The following PI16 variants were observed in gnomAD, a reference collection of about 807,000 sequenced individuals.
The protein encoded by PI16 is PSP94-binding protein.
A neutral mutation model predicts 38.0 loss-of-function variants in PI16; 35 were observed. The observed-to-expected ratio is 0.92, with a 90% CI of 0.70 to 1.22. The LOEUF (loss-of-function observed/expected upper bound fraction) is 1.22, where lower values mean the gene tolerates loss of function less well. PI16 is among the 50% of genes most tolerant of loss of function. The pLI, the probability that PI16 is intolerant of heterozygous loss-of-function variation, is 0.00. For missense variants in PI16, 572 were observed against 593.8 expected (o/e 0.96, Z 0.38); for synonymous variants, 275 against 252.9 (o/e 1.09, Z -0.83).
Position 36,961,914 on chromosome 6 carries a change from C to T in PI16, c.532C>T (p.Gln178Ter). 1 of 1,614,116 alleles carries T rather than the reference C, an allele frequency of 6.2e-7. No individual in the cohort carries two copies. Among genetic ancestry groups the T allele is most frequent in the South Asian group, 1.1e-5 (1 of 91,082 alleles). The change falls in exon 4 of 7, where the codon CAG becomes TAG. Residue 178 changes from glutamine (Q) to a stop codon, truncating the protein, a stop_gained. Transcript: ENST00000373674. LOFTEE classifies it high-confidence loss of function. ...GAACGTGAAGGGGAAACGGCCCTAC[C>T]AGGAGGGGACTCCGTGCTCCCAATG... The part of the protein sequence containing the change: ...PGNVKGKRPY[Q>*]EGTPCSQCPS...
chr6:36,953,102 G>T (rs1181837834), upstream of PI16, among the ~76,000 whole-genome samples: 1 of 152,052 alleles, frequency 6.6e-6, no homozygotes, highest in Admixed American at 6.5e-5. Flanking sequence ...GGCGGATCAC[G>T]AGGTCAAGAG....
At chr6:36,948,347 C>G (rs1036850646) in exon 1 of PI16, 1 of 152,252 alleles carries the variant, frequency 6.6e-6, no homozygotes, top group African/African-American at 2.4e-5. Flanking sequence ...TGGTTCCACC[C>G]GGGGGGCATC....
intron 2 of PI16, among the ~76,000 whole-genome samples, chr6:36,960,114 T>C (rs544037789): frequency 6.6e-6 from 1 of 152,344 alleles, no homozygotes; most frequent in East Asian, 1.9e-4. Context: ...TCTAATTTGC[T>C]ACTTCTCATC....
chr6:36,961,709 G>T, intron 3 of PI16, 149 bp downstream of exon 3: 1 of 893,808 alleles, frequency 1.1e-6, no homozygotes, highest in South Asian at 1.5e-5. Flanking sequence ...GGCACCAATG[G>T]GGGTCTGCTG....
chr6:36,954,045 G>A (rs991130788), upstream of PI16, among the ~76,000 whole-genome samples: 4 of 152,268 alleles, frequency 2.6e-5, no homozygotes, highest in East Asian at 1.9e-4. Context: ...CTCTCCCCCC[G>A]CAGGCAAGAA....
Position 36,954,857 on chromosome 6 carries a change from A to G in PI16, c.97A>G (p.Lys33Glu). The G allele has an allele frequency of 6.2e-7, 1 of 1,613,990 alleles. No homozygotes were observed. Residue 33 changes from lysine to glutamate, a missense_variant, in exon 1 of 7, where the codon AAA becomes GAA. By Grantham distance (56) the Lys-to-Glu change is moderately conservative. Coordinates refer to ENST00000373674, the MANE Select transcript of PI16 (RefSeq NM_153370.3). ...GPVGALTDEE[K>E]RLMVELHNLY... ...CGTTGGAGCCCTCACAGATGAGGAGAAACGTTTGATGGTGGAGCTGCACAA... is the reference window on the plus strand; with the variant it reads ...CGTTGGAGCCCTCACAGATGAGGAGGAACGTTTGATGGTGGAGCTGCACAA...
intron 1 of PI16, among the ~76,000 whole-genome samples, chr6:36,955,167 C>T (rs931345634): frequency 2.6e-5 from 4 of 152,188 alleles, no homozygotes; most frequent in Non-Finnish European, 5.9e-5. Context: ...TAAGCAGCCT[C>T]ATAATACAGA....
rs1460784900 is a variant in PI16, at chr6:36,948,631, C to CT, written c.-82+228dup. Among the ~76,000 whole-genome samples, 76 of 53,198 alleles carry CT rather than the reference C, an allele frequency of 1.4e-3. 3 individuals are homozygous for CT. The highest frequency in any genetic ancestry group is 0.014 in the East Asian group (54 of 3,976). The allele number at this position is 53,198 out of a possible 152,430, so 34.9% of individuals were successfully genotyped here. A position where few individuals can be genotyped will look rare whatever the true frequency, so the allele number is the denominator to read the frequency against. ...CTTTCTTTTTTTTTTTCCTTCCTTC[C>CT]TCCTTCCCTCCTTCCTCCCTCCCTC... On this transcript the variant is annotated intron_variant, in intron 1 of 7. Coordinates refer to the PI16 transcript ENST00000611814.
rs747301976 is a variant in PI16, at chr6:36,954,934, A to C, written c.171+3A>C. ...CGGCCTCAGACATGCTGCACATGGT[A>C]AGTGTGGCCACGGCCCTTGCTGGCT... On this transcript the variant is annotated splice_donor_region_variant and intron_variant, in intron 1 of 6. Transcript: ENST00000373674. 1.9e-6 allele frequency: 3 copies of C among 1,612,212 alleles called. No individual in the cohort carries two copies. The highest frequency in any genetic ancestry group is 2.5e-6 in the Non-Finnish European group (3 of 1,179,702).
At position 36,954,829 on chromosome 6, in the gene PI16, C is replaced by T. The variant is rs1164532621; in HGVS notation, c.69C>T (p.Gly23=). 1 of 1,614,154 alleles carries T rather than the reference C, an allele frequency of 6.2e-7. No individual in the cohort carries two copies. Among genetic ancestry groups the T allele is most frequent in the Non-Finnish European group, 8.5e-7 (1 of 1,180,032 alleles). ...TGCTACTGCTGGTGGCCACCACAGG[C>T]CCCGTTGGAGCCCTCACAGATGAGG... ...PLLLLLVATT[G]PVGALTDEEK... Residue 23 remains glycine, a synonymous_variant, in exon 1 of 7, where the codon GGC becomes GGT. Transcript: ENST00000373674.
In PI16 at chr6:36,954,976, TGGCCAG is replaced by T; in HGVS notation, c.171+48_171+53del. ...TTGCTGGCTGGGATGGAAGGGGTGCTGGCCAGGGTCTGTCACCAGGCTCTCTTACCC... is the reference window on the plus strand; with the variant it reads ...TTGCTGGCTGGGATGGAAGGGGTGCTGGTCTGTCACCAGGCTCTCTTACCC... On this transcript the variant is annotated intron_variant, in intron 1 of 6. Coordinates refer to ENST00000373674, the MANE Select transcript of PI16 (RefSeq NM_153370.3). 3 of 1,590,734 alleles carry T rather than the reference TGGCCAG, an allele frequency of 1.9e-6. No individual in the cohort carries two copies. In the South Asian group the frequency reaches 3.4e-5, roughly 18 times the overall value.
At chr6:36,953,201 C>A (rs896901490), upstream of PI16, among the ~76,000 whole-genome samples, 1 of 151,872 alleles carries the variant, frequency 6.6e-6, no homozygotes, top group Admixed American at 6.6e-5. Flanking sequence ...TGGTGGGCAG[C>A]ATGGTGGGCA....
chr6:36,961,516 TGAGGAGA>T lies in PI16; in HGVS notation c.460_466del (p.Glu154ProfsTer16). ...ACTTCTGTGAGAAGCTCCAGGGTGTTGAGGAGACCAACATCGAATTACTGGTGTGCAA... is the reference window on the plus strand; with the variant it reads ...ACTTCTGTGAGAAGCTCCAGGGTGTTCCAACATCGAATTACTGGTGTGCAA... On this transcript the variant is annotated frameshift_variant, in exon 3 of 7. Transcript: ENST00000373674. LOFTEE classifies it high-confidence loss of function. 6.2e-7 allele frequency: 1 copy of T among 1,614,134 alleles called. No homozygotes were observed. Among genetic ancestry groups the T allele is most frequent in the Non-Finnish European group, 8.5e-7 (1 of 1,180,016 alleles).
intron 1 of PI16, among the ~76,000 whole-genome samples, chr6:36,949,173 G>T (rs1177832275): frequency 1.3e-5 from 2 of 151,640 alleles, no homozygotes; most frequent in Non-Finnish European, 2.9e-5. Context: ...CTGTCGCCCA[G>T]GCTGGAATGC....
At chr6:36,955,014 TC>T in intron 1 of PI16, 83 bp downstream of exon 1, 1 of 1,472,494 alleles carries the variant, frequency 6.8e-7, no homozygotes, top group Non-Finnish European at 9.0e-7. Context: ...ACCCTGCTCC[TC>T]ATGCTGAAGC....
At position 36,957,963 on chromosome 6, in the gene PI16, C is replaced by T. The variant is rs1251586499; in HGVS notation, c.172-1182C>T. On this transcript the variant is annotated intron_variant, in intron 1 of 6. Transcript: ENST00000373674. ...CCCACTCCCAGTCTCCCACTGTTGC[C>T]AGAGTTGAGAGAATCTCAGGGGCCA... 2.6e-5 allele frequency among the ~76,000 whole-genome samples: 4 copies of T among 152,226 alleles called. No individual in the cohort carries two copies. In the East Asian group the frequency reaches 7.7e-4, roughly 29 times the overall value.
At chr6:36,964,256 A>G (rs114575714) in intron 6 of PI16, 130 bp from the exon 7 acceptor site, 5,034 of 255,870 alleles carry the variant, frequency 0.02, 253 homozygotes, top group African/African-American at 0.1. Context: ...TCCTGTGGCC[A>G]TCAGCTTCTC....
chr6:36,954,081 C>G (rs1229987256), upstream of PI16, among the ~76,000 whole-genome samples: 1 of 152,212 alleles, frequency 6.6e-6, no homozygotes, highest in Non-Finnish European at 1.5e-5. Context: ...GGGCTGGTAG[C>G]CTGCTAAGGC....
Position 36,963,205 on chromosome 6 carries a change from T to A in PI16, c.863T>A (p.Val288Asp), listed in dbSNP as rs75061272. Residue 288 changes from valine (V) to aspartate (D), a missense_variant, in exon 5 of 7, where the codon GTC becomes GAC. Physicochemically the swap from Val to Asp is radical, Grantham distance 152. Transcript: ENST00000373674. Reference sequence around the variant, plus strand: ...GCTCCACCTTGCGTAACAACTGAGGTCCCTTCCATTTTGGCAGCTCACAGC... The same window carrying A: ...GCTCCACCTTGCGTAACAACTGAGGACCCTTCCATTTTGGCAGCTCACAGC... The part of the protein sequence containing the change: ...TEAPPCVTTE[V>D]PSILAAHSLP... 8.9e-5 allele frequency: 144 copies of A among 1,614,054 alleles called. No individual in the cohort carries two copies. The highest frequency in any genetic ancestry group is 1.2e-4 in the Non-Finnish European group (137 of 1,180,038).
Sources: allele counts gnomAD v4.1 joint callset (sites outside exome capture counted in the v4.1 genomes callset), GRCh38; gene constraint gnomAD v4.1.1; transcripts MANE v1.5; gene names NCBI Gene and HGNC (gene_info 2026-07-23, HGNC 2026-07-21).